Variants in ERGIC3 observed in about 807,000 individuals in gnomAD.
The protein encoded by ERGIC3 is ERGIC and golgi 3.
A neutral mutation model predicts 54.7 loss-of-function variants in ERGIC3; 33 were observed. The ratio of observed to expected loss-of-function variants is 0.60; its 90% CI spans 0.46 to 0.81. The LOEUF is 0.81. Among genes scored for constraint, ERGIC3 ranks in the 30% least tolerant of loss-of-function variants. The probability of loss-of-function intolerance (pLI) is 0.00; values close to 1 mark genes in which losing one functional copy is unlikely to be tolerated. For synonymous variants in ERGIC3, 186 were observed against 189.8 expected, an observed-to-expected ratio of 0.98 and a Z score of 0.16; for missense variants, 399 against 488.4, an observed-to-expected ratio of 0.82 and a Z score of 1.73.
chr20:35,550,576 A>G (rs1023297224), intron 7 of ERGIC3, among the ~76,000 whole-genome samples: 1 of 152,170 alleles, frequency 6.6e-6, no homozygotes, highest in Non-Finnish European at 1.5e-5. Context: ...AAATTGCGCC[A>G]TTGTACTCCA....
chr20:35,548,614 G>A lies in ERGIC3; in HGVS notation c.567G>A (p.Gln189=). The change falls in exon 6 of 13, where the codon CAG becomes CAA. Residue 189 remains glutamine, a synonymous_variant. Coordinates refer to ENST00000348547, the MANE Select transcript of ERGIC3 (RefSeq NM_015966.3). Reference sequence around the variant, plus strand: ...AGTGCCGGCGAGAGGGCTTCAGCCAGAAGATGCAGGAGCAGAAGAATGAAG... The same window carrying A: ...AGTGCCGGCGAGAGGGCTTCAGCCAAAAGATGCAGGAGCAGAAGAATGAAG... ...IEQCRREGFS[Q]KMQEQKNEGC... 6.2e-7 allele frequency: 1 copy of A among 1,614,254 alleles called. No homozygotes were observed. The highest frequency in any genetic ancestry group is 1.1e-5 in the South Asian group (1 of 91,090).
chr20:35,554,967 C>A (rs758142260), intron 7 of ERGIC3, 77 bp from the exon 8 acceptor site: 2 of 1,550,094 alleles, frequency 1.3e-6, no homozygotes, highest in African/African-American at 2.7e-5. Flanking sequence ...GGTTTGCAGT[C>A]CAGGGGGAGG....
At chr20:35,554,747 T>A in intron 7 of ERGIC3, 1 of 593,132 alleles carries the variant, frequency 1.7e-6, no homozygotes, top group East Asian at 2.8e-5. Context: ...AGTCGGTGGG[T>A]TTTGTTTCCG....
At chr20:35,549,426 T>C (rs914446055) in intron 7 of ERGIC3, 17 of 354,938 alleles carry the variant, frequency 4.8e-5, no homozygotes, top group Non-Finnish European at 8.9e-5. Flanking sequence ...TTCTCATTCA[T>C]TTGTTCATTC....
chr20:35,553,636 A>G, intron 7 of ERGIC3, among the ~76,000 whole-genome samples: 1 of 152,010 alleles, frequency 6.6e-6, no homozygotes. Context: ...TCTTCAGGGC[A>G]ATCTGTGGGG....
intron 4 of ERGIC3, chr20:35,544,034 C>G (rs1270364563): frequency 4.6e-6 from 1 of 216,674 alleles, no homozygotes. Flanking sequence ...ATCTATCTAT[C>G]TATCTATCTA....
In ERGIC3 at chr20:35,555,215, A is replaced by T. The variant is rs976480850; in HGVS notation, c.717+140A>T. On this transcript the variant is annotated intron_variant, in intron 8 of 12. Transcript: ENST00000348547. ...ACGTTCTGAATGGGGATCCAGCCTG[A>T]GGGTTAAGCGAGAGTGACTTTTGAA... is the stretch of plus-strand genomic sequence containing the variant. The T allele has an allele frequency of 9.6e-6, 10 of 1,046,972 alleles. No individual in the cohort carries two copies. In the African/African-American group the frequency reaches 1.6e-4, roughly 16 times the overall value. 64.9% of individuals were successfully genotyped at this position (1,046,972 alleles called of 1,614,324 possible).
At chr20:35,547,574 C>G (rs1467082758) in intron 5 of ERGIC3, 69 bp downstream of exon 5, 1 of 1,420,906 alleles carries the variant, frequency 7.0e-7, no homozygotes, top group African/African-American at 1.4e-5. Flanking sequence ...CAGCCTCAGT[C>G]AGACTGTGGC....
Position 35,542,937 on chromosome 20 carries a change from G to T in ERGIC3, c.363G>T (p.Arg121=). 1.2e-6 allele frequency: 2 copies of T among 1,613,902 alleles called. No homozygotes were observed. The highest frequency in any genetic ancestry group is 1.7e-6 in the Non-Finnish European group (2 of 1,179,932). Residue 121 remains arginine (R), a synonymous_variant, in exon 4 of 13, where the codon CGG becomes CGT. Transcript: ENST00000348547. ...DGIPVSSEAE[R]HELGKVEVTV... is the part of the protein sequence containing the mutation. ...TCCCCGTGAGCTCAGAGGCTGAGCG[G>T]CATGGTAACCAGGGGAGGGGGCCGG... is the stretch of plus-strand genomic sequence containing the variant.
chr20:35,547,513 GGC>G lies in ERGIC3; in HGVS notation c.461+10_461+11del. On this transcript the variant is annotated intron_variant, in intron 5 of 12. Transcript: ENST00000348547. Reference sequence around the variant, plus strand: ...TGAGGCAGAAGATATCAAGTGAGCTGGCGGGGAGCGGGAGCAGGGTTCCCATC... The same window carrying G: ...TGAGGCAGAAGATATCAAGTGAGCTGGGGGAGCGGGAGCAGGGTTCCCATC... 6.2e-7 allele frequency: 1 copy of G among 1,613,344 alleles called. No individual in the cohort carries two copies. Among genetic ancestry groups the G allele is most frequent in the Middle Eastern group, 1.7e-4 (1 of 6,060 alleles).
chr20:35,550,017 A>G (rs1484955143), intron 7 of ERGIC3, among the ~76,000 whole-genome samples: 1 of 152,056 alleles, frequency 6.6e-6, no homozygotes, highest in African/African-American at 2.4e-5. Flanking sequence ...TATATGGTAT[A>G]TCAGATGCTG....
chr20:35,552,391 G>A (rs77517715), intron 7 of ERGIC3, among the ~76,000 whole-genome samples: 4,232 of 152,262 alleles, frequency 0.028, 192 homozygotes, highest in African/African-American at 0.095. Context: ...TGGAGTCCGC[G>A]GCTGTGAATG....
At position 35,549,193 on chromosome 20, in the gene ERGIC3, G is replaced by A. The variant is rs768756572; in HGVS notation, c.685+328G>A. On this transcript the variant is annotated intron_variant, in intron 7 of 12. Coordinates refer to ENST00000348547, the MANE Select transcript of ERGIC3 (RefSeq NM_015966.3). ...GTGTGCAGGTTAAAGATGATAGCAC[G>A]GAGCCTGGCTTGTGGTAGGTACTTG... is the stretch of plus-strand genomic sequence containing the variant. 1.4e-5 allele frequency: 7 copies of A among 485,204 alleles called. No individual in the cohort carries two copies. In the East Asian group the frequency reaches 1.9e-4, roughly 13 times the overall value. 30.1% of individuals were successfully genotyped at this position (485,204 alleles called of 1,614,324 possible). A position where few individuals can be genotyped will look rare whatever the true frequency, so the allele number is the denominator to read the frequency against.
chr20:35,552,681 C>G (rs964694419), intron 7 of ERGIC3, among the ~76,000 whole-genome samples: 4 of 152,116 alleles, frequency 2.6e-5, no homozygotes, highest in African/African-American at 9.7e-5. Context: ...AATTAGAAAG[C>G]TGGTGGAGCA....
chr20:35,547,526 A>T, intron 5 of ERGIC3, 21 bp downstream of exon 5: 1 of 1,609,844 alleles, frequency 6.2e-7, no homozygotes, highest in Non-Finnish European at 8.5e-7. Context: ...GGGGAGCGGG[A>T]GCAGGGTTCC....
intron 1 of ERGIC3, 34 bp downstream of exon 1, chr20:35,542,219 G>A (rs1383044378): frequency 6.9e-6 from 11 of 1,591,378 alleles, no homozygotes; most frequent in African/African-American, 2.7e-5. Context: ...CGCGTGGAGG[G>A]GGGCGTCCTA....
intron 3 of ERGIC3, 66 bp from the exon 4 acceptor site, chr20:35,542,756 C>T (rs1375872073): frequency 1.2e-6 from 2 of 1,613,174 alleles, no homozygotes; most frequent in South Asian, 1.1e-5. Flanking sequence ...ATCCCCTTCC[C>T]CTCCAAAACC....
rs1478431067 is a variant in ERGIC3, at chr20:35,542,161, G to T, written c.64G>T (p.Val22Phe). The T allele has an allele frequency of 6.3e-7, 1 of 1,579,418 alleles. No homozygotes were observed. The highest frequency in any genetic ancestry group is 8.6e-7 in the Non-Finnish European group (1 of 1,161,940). The change falls in exon 1 of 13, where the codon GTC becomes TTC. Residue 22 changes from valine to phenylalanine, a missense_variant. Coordinates refer to ENST00000348547, the MANE Select transcript of ERGIC3 (RefSeq NM_015966.3). ...CCCCAAGACTTTGGAGGACTTCCGG[G>T]TCAAGACCTGCGGGGGCGCCACCGG... ...AYPKTLEDFR[V>F]KTCGGATVTI...
At chr20:35,557,286 G>T in intron 12 of ERGIC3, 37 bp downstream of exon 12, 1 of 1,613,878 alleles carries the variant, frequency 6.2e-7, no homozygotes, top group Non-Finnish European at 8.5e-7. Flanking sequence ...TGTGGGGTGG[G>T]GAGGGTAAAG....
Sources: allele counts gnomAD v4.1 joint callset (sites outside exome capture counted in the v4.1 genomes callset), GRCh38; gene constraint gnomAD v4.1.1; transcripts MANE v1.5; gene names NCBI Gene and HGNC (gene_info 2026-07-23, HGNC 2026-07-21).